Variants in FAM117A observed in about 807,000 individuals in gnomAD.
FAM117A encodes protein FAM117A.
In FAM117A, 21 loss-of-function variants were observed where a neutral mutation model predicts 44.1. The observed-to-expected ratio is 0.48, with a 90% CI of 0.34 to 0.69. The LOEUF is 0.69. Ranked by LOEUF, FAM117A falls within the 30% of genes least tolerant of loss-of-function variation. FAM117A has a pLI of 0.01. For missense variants in FAM117A, 498 were observed against 589.9 expected, an observed-to-expected ratio of 0.84 and a Z score of 1.61; for synonymous variants, 220 against 238.3, an observed-to-expected ratio of 0.92 and a Z score of 0.71.
rs576579481 is a variant in FAM117A at position 49,740,407 on chromosome 17, G to A, written c.197-7687C>T. Among the ~76,000 whole-genome samples the A allele has an allele frequency of 2.1e-4, 32 of 152,142 alleles. No individual in the cohort carries two copies. The South Asian group carries it at 6.4e-3, about 31-fold the overall frequency. On this transcript the variant is annotated intron_variant, in intron 1 of 7. Transcript: ENST00000240364. ...TGGGACTACAGGCGCCCACCACCGCGCCCGGCTAATTTTTTGTATTTTTAG... is the reference window on the plus strand; with the variant it reads ...TGGGACTACAGGCGCCCACCACCGCACCCGGCTAATTTTTTGTATTTTTAG...
chr17:49,787,164 T>G (rs2073815962), intron 1 of FAM117A, among the ~76,000 whole-genome samples: 1 of 152,202 alleles, frequency 6.6e-6, no homozygotes, highest in South Asian at 2.1e-4. Context: ...AAGAGATCCT[T>G]ACCACCAGTT....
chr17:49,744,031 G>A lies in FAM117A; in HGVS notation c.197-11311C>T, dbSNP rs546994277. Among the ~76,000 whole-genome samples, 32 of 152,200 alleles carry A rather than the reference G, an allele frequency of 2.1e-4. No individual in the cohort carries two copies. The East Asian group carries it at 3.9e-3, about 18-fold the overall frequency. On this transcript the variant is annotated intron_variant, in intron 1 of 7. Coordinates refer to ENST00000240364, the MANE Select transcript of FAM117A (RefSeq NM_030802.4). ...CAGAACAGGATTAGAGATAACTTTCGGATAATCAAAATAATTTCTGCTTTA... is the reference window on the plus strand; with the variant it reads ...CAGAACAGGATTAGAGATAACTTTCAGATAATCAAAATAATTTCTGCTTTA...
chr17:49,741,468 A>G (rs1204569873), intron 1 of FAM117A, among the ~76,000 whole-genome samples: 3 of 152,202 alleles, frequency 2.0e-5, no homozygotes, highest in Admixed American at 6.5e-5. Flanking sequence ...ACGAGCCTGC[A>G]TATGTATTTT....
At chr17:49,735,568 G>T (rs2073607308) in intron 1 of FAM117A, among the ~76,000 whole-genome samples, 1 of 152,056 alleles carries the variant, frequency 6.6e-6, no homozygotes, top group South Asian at 2.1e-4. Context: ...TATTTTAAAA[G>T]ACTATATAAT....
chr17:49,720,008 G>A, intron 4 of FAM117A, 114 bp from the exon 5 acceptor site: 1 of 1,398,252 alleles, frequency 7.2e-7, no homozygotes, highest in East Asian at 2.5e-5. Context: ...TGAATGAAGG[G>A]TGATTTGGGG....
intron 7 of FAM117A, among the ~76,000 whole-genome samples, chr17:49,715,467 A>G (rs923975057): frequency 4.6e-5 from 7 of 152,154 alleles, no homozygotes; most frequent in Admixed American, 3.9e-4. Flanking sequence ...AGGAAATGAA[A>G]TGAGCTCTTT....
At chr17:49,738,070 T>C (rs935277888) in intron 1 of FAM117A, among the ~76,000 whole-genome samples, 2 of 152,246 alleles carry the variant, frequency 1.3e-5, no homozygotes, top group African/African-American at 4.8e-5. Flanking sequence ...GTTTGTTTCT[T>C]GAGGAAGCCT....
chr17:49,755,968 T>C (rs1032403808), intron 1 of FAM117A, among the ~76,000 whole-genome samples: 5 of 152,142 alleles, frequency 3.3e-5, no homozygotes, highest in African/African-American at 1.2e-4. Context: ...GTGAGTTCCA[T>C]TGCACTTGAA....
At chr17:49,773,912 C>A (rs2073768737) in intron 1 of FAM117A, among the ~76,000 whole-genome samples, 1 of 152,152 alleles carries the variant, frequency 6.6e-6, no homozygotes, top group Admixed American at 6.5e-5. Flanking sequence ...CGCCACCACG[C>A]CCAGCTAATT....
intron 6 of FAM117A, among the ~76,000 whole-genome samples, chr17:49,717,290 T>G (rs566453569): frequency 1.5e-4 from 23 of 152,294 alleles, no homozygotes; most frequent in African/African-American, 5.3e-4. Flanking sequence ...CAGTGAGGAT[T>G]AAATAGAAGT....
intron 1 of FAM117A, among the ~76,000 whole-genome samples, chr17:49,763,123 TACACACACACAC>T (rs10603200): frequency 0.016 from 2,297 of 141,164 alleles, 30 homozygotes; most frequent in South Asian, 0.03. Flanking sequence ...TCCCCCCCGC[TACACACACACAC>T]ACACACACAC....
At chr17:49,718,909 G>A (rs543991825) in intron 5 of FAM117A, among the ~76,000 whole-genome samples, 8 of 150,890 alleles carry the variant, frequency 5.3e-5, no homozygotes, top group Non-Finnish European at 1.0e-4. Flanking sequence ...CCCGGGAGGC[G>A]GAGATTGCAG....
chr17:49,788,926 C>A, upstream of FAM117A: 2 of 1,377,764 alleles, frequency 1.5e-6, no homozygotes, highest in Non-Finnish European at 2.0e-6. Flanking sequence ...GGCCACGCCT[C>A]ACAGTGCTTG....
intron 1 of FAM117A, among the ~76,000 whole-genome samples, chr17:49,740,317 GGC>G (rs1229992503): frequency 4.0e-5 from 6 of 151,256 alleles, no homozygotes; most frequent in African/African-American, 7.3e-5. Context: ...GCGCGATCTC[GGC>G]GCTCATTGCA....
At chr17:49,766,885 C>A (rs2073747262), upstream of FAM117A, among the ~76,000 whole-genome samples, 1 of 152,144 alleles carries the variant, frequency 6.6e-6, no homozygotes, top group Admixed American at 6.5e-5. Context: ...TGCATGGTTC[C>A]ATGGATACTG....
At chr17:49,774,517 GC>G (rs1372735564) in intron 1 of FAM117A, among the ~76,000 whole-genome samples, 2 of 152,036 alleles carry the variant, frequency 1.3e-5, no homozygotes, top group East Asian at 3.9e-4. Context: ...GCACCATCAT[GC>G]CCAGCTAATT....
chr17:49,767,740 TA>T (rs1254236032), upstream of FAM117A, among the ~76,000 whole-genome samples: 1 of 151,986 alleles, frequency 6.6e-6, no homozygotes, highest in East Asian at 1.9e-4. Context: ...CTGTCTCTGC[TA>T]AAAATACAAA....
At chr17:49,741,153 G>A (rs528194376) in intron 1 of FAM117A, among the ~76,000 whole-genome samples, 3 of 151,272 alleles carry the variant, frequency 2.0e-5, no homozygotes, top group Middle Eastern at 6.8e-3. Context: ...GGCAGCCAAC[G>A]AGATCTTACA....
At chr17:49,788,474 C>G (rs1424890004) in intron 1 of FAM117A, 1 of 263,612 alleles carries the variant, frequency 3.8e-6, no homozygotes, top group Non-Finnish European at 7.2e-6. Context: ...TGGCTACCCA[C>G]GCCCACAAAC....
Sources: gnomAD v4.1 joint callset for allele counts (sites outside exome capture counted in the v4.1 genomes callset) on GRCh38, gnomAD v4.1.1 for gene constraint, MANE v1.5 for transcripts, NCBI Gene and HGNC (gene_info 2026-07-23, HGNC 2026-07-21) for gene names.